MATN1: variants seen among roughly 807,000 people sequenced by gnomAD.
The protein encoded by MATN1 is matrilin-1.
In MATN1, 34 loss-of-function variants were observed where a neutral mutation model predicts 41.3. The observed-to-expected ratio is 0.82, with a 90% CI of 0.63 to 1.10. MATN1 has a LOEUF of 1.10. MATN1 is among the 50% of genes least tolerant of loss of function. MATN1 has a pLI of 0.00. For synonymous variants in MATN1, 264 were observed against 278.7 expected (o/e 0.95, Z 0.53); for missense variants, 602 against 662.4 (o/e 0.91, Z 1.00).
At position 30,716,076 on chromosome 1, in the gene MATN1, T is replaced by A. The variant is rs201929057; in HGVS notation, c.1040A>T (p.Tyr347Phe). The change falls in exon 5 of 8, where the codon TAC becomes TTC. Residue 347 changes from tyrosine to phenylalanine, a missense_variant. Tyr to Phe is a conservative substitution (Grantham distance 22). Transcript: ENST00000373765. ...CCCAGTCATTGTGCCCTTCTCCATG[T>A]AGGACATATTCCGCACAGCCGCCTT... ...DIKAAVRNMS[Y>F]MEKGTMTGAA... 2 of 1,614,202 alleles carry A rather than the reference T, an allele frequency of 1.2e-6. No individual in the cohort carries two copies. The highest frequency in any genetic ancestry group is 1.7e-6 in the Non-Finnish European group (2 of 1,180,032).
intron 3 of MATN1, among the ~76,000 whole-genome samples, chr1:30,717,648 T>G (rs1359718099): frequency 1.7e-5 from 2 of 118,654 alleles, no homozygotes; most frequent in African/African-American, 3.7e-5. Context: ...TGCGGTTTTT[T>G]TTTTTGTTTT....
In MATN1 at chr1:30,723,471, G is replaced by T. The variant is rs1166375082; in HGVS notation, c.81C>A (p.Ala27=). The T allele has an allele frequency of 1.3e-6, 2 of 1,523,252 alleles. No individual in the cohort carries two copies. 94.4% of individuals were successfully genotyped at this position (1,523,252 alleles called of 1,614,324 possible). Residue 27 remains alanine (A), a synonymous_variant, in exon 1 of 8, where the codon GCC becomes GCA. Coordinates refer to ENST00000373765, the MANE Select transcript of MATN1 (RefSeq NM_002379.3). The part of the protein sequence containing the change: ...LLQALCSPGL[A]PQSRGHLCRT... The stretch of plus-strand genomic sequence containing the variant: ...AAGCCCCCTCACCTCTGGACTGGGG[G>T]GCGAGGCCAGGGCTGCACAGGGCCT...
Position 30,713,613 on chromosome 1 carries a change from C to T in MATN1, c.1460G>A (p.Arg487Gln), listed in dbSNP as rs1038480675. 9.7e-6 allele frequency: 15 copies of T among 1,553,792 alleles called. No homozygotes were observed. The highest frequency in any genetic ancestry group is 2.4e-5 in the East Asian group (1 of 41,436). ...LTRKLEAVSK[R>Q]LAILENTVV ...AACTGTGTTCTCCAGGATGGCCAGC[C>T]GCTTACTCACAGCTTCCAGTGGACT... Residue 487 changes from arginine (R) to glutamine (Q), a missense_variant, in exon 8 of 8, where the codon CGG becomes CAG. Transcript: ENST00000373765.
chr1:30,713,497 C>G lies in MATN1; in HGVS notation c.*85G>C, dbSNP rs959386926. On this transcript the variant is annotated 3_prime_UTR_variant, in exon 8 of 8. Coordinates refer to ENST00000373765, the MANE Select transcript of MATN1 (RefSeq NM_002379.3). ...ACCCAGACACACCCCCTCCCACCCC[C>G]GGGCTGGCTTCCCTCACTAAAATGG... The G allele has an allele frequency of 2.1e-6, 3 of 1,404,670 alleles. No homozygotes were observed. The South Asian group carries it at 3.7e-5, about 17-fold the overall frequency. 87.0% of individuals were successfully genotyped at this position (1,404,670 alleles called of 1,614,324 possible). A position where few individuals can be genotyped will look rare whatever the true frequency, so the allele number is the denominator to read the frequency against.
At chr1:30,713,984 A>G in intron 7 of MATN1, 1 of 583,076 alleles carries the variant, frequency 1.7e-6, no homozygotes, top group Non-Finnish European at 3.1e-6. Context: ...CATGTTCTTC[A>G]GAGCATGTCC....
rs747153202 is a variant in MATN1, at chr1:30,714,342, G to C, written c.1361-15C>G. ...CGGGTCTTCCTCTGCAGGGGACAAG[G>C]AGGAGGGAAAGAGAAAGGAACTGTT... On this transcript the variant is annotated splice_polypyrimidine_tract_variant and intron_variant, in intron 6 of 7. Coordinates refer to ENST00000373765, the MANE Select transcript of MATN1 (RefSeq NM_002379.3). 8.1e-6 allele frequency: 13 copies of C among 1,602,540 alleles called. No homozygotes were observed. The South Asian group carries it at 1.3e-4, about 17-fold the overall frequency.
rs1044620530 is a variant in MATN1, at chr1:30,713,552, T to C, written c.*30A>G. On this transcript the variant is annotated 3_prime_UTR_variant, in exon 8 of 8. Transcript: ENST00000373765. ...GCTACGGCGGACACGTGCAGGACGC[T>C]TGGAGAGGCCACAGTGGTGACAGGC... The C allele has an allele frequency of 6.4e-7, 1 of 1,552,018 alleles. No individual in the cohort carries two copies. The highest frequency in any genetic ancestry group is 1.4e-5 in the African/African-American group (1 of 73,128).
At position 30,721,436 on chromosome 1, in the gene MATN1, C is replaced by A. The variant is rs372051087; in HGVS notation, c.410G>T (p.Gly137Val). The A allele has an allele frequency of 9.3e-6, 15 of 1,612,384 alleles. No homozygotes were observed. The African/African-American group carries it at 2.0e-4, about 21-fold the overall frequency. ...AITKAFGDAE[G>V]GRSRSPDISK... ...GATGTCAGGGGACCTGGAACGACCA[C>A]CCTCTGCATCGCCGAAGGCTTTGGT... Residue 137 changes from glycine to valine, a missense_variant, in exon 2 of 8, where the codon GGT (glycine) becomes GTT (valine). Coordinates refer to ENST00000373765, the MANE Select transcript of MATN1 (RefSeq NM_002379.3).
chr1:30,715,006 G>C, intron 6 of MATN1, 151 bp downstream of exon 6: 1 of 801,208 alleles, frequency 1.2e-6, no homozygotes, highest in Non-Finnish European at 2.0e-6. Context: ...GGTAGTAAGA[G>C]CTGTAAGCGC....
At chr1:30,714,215 C>T (rs1194108506) in intron 7 of MATN1, 32 bp downstream of exon 7, 2 of 1,527,614 alleles carry the variant, frequency 1.3e-6, no homozygotes, top group Non-Finnish European at 1.8e-6. Flanking sequence ...CTGCGCCCCT[C>T]CCCAGCCCCA....
chr1:30,713,196 A>G lies in MATN1; in HGVS notation c.*386T>C, dbSNP rs918934701. 4 of 220,302 alleles carry G rather than the reference A, an allele frequency of 1.8e-5. No homozygotes were observed. The highest frequency in any genetic ancestry group is 5.0e-5 in the Admixed American group (1 of 19,842). 13.6% of individuals were successfully genotyped at this position (220,302 alleles called of 1,614,324 possible). A position where few individuals can be genotyped will look rare whatever the true frequency, so the allele number is the denominator to read the frequency against. ...ATTTAATTGTTTCTCACCGGAGAAT[A>G]GAGAAATCAGTAAAGAAATTCACAG... is the stretch of plus-strand genomic sequence containing the variant. On this transcript the variant is annotated 3_prime_UTR_variant, in exon 8 of 8. Transcript: ENST00000373765.
intron 1 of MATN1, among the ~76,000 whole-genome samples, 200 bp from the exon 2 acceptor site, chr1:30,721,951 C>G (rs1639701129): frequency 6.6e-6 from 1 of 152,226 alleles, no homozygotes; most frequent in South Asian, 2.1e-4. Context: ...CTGCTCAGCC[C>G]ATGGGGAACA....
chr1:30,721,340 AAAGCTCAT>A (rs1639691468), intron 2 of MATN1, 57 bp downstream of exon 2: 1 of 1,455,356 alleles, frequency 6.9e-7, no homozygotes, highest in South Asian at 1.3e-5. Context: ...GTCTGCAGGC[AAAGCTCAT>A]AACTCCGAGC....
At chr1:30,714,427 C>A in intron 6 of MATN1, 100 bp from the exon 7 acceptor site, 1 of 968,196 alleles carries the variant, frequency 1.0e-6, no homozygotes, top group South Asian at 1.4e-5. Context: ...TCAGGATTCC[C>A]GGGGAGGTGA....
At chr1:30,722,780 G>T (rs1260653214) in intron 1 of MATN1, among the ~76,000 whole-genome samples, 1 of 152,174 alleles carries the variant, frequency 6.6e-6, no homozygotes. Flanking sequence ...CCTAGACTGG[G>T]GCTCTGGACA....
chr1:30,714,153 C>G (rs1557448923), intron 7 of MATN1, 94 bp downstream of exon 7: 1 of 1,035,428 alleles, frequency 9.7e-7, no homozygotes, highest in Non-Finnish European at 1.5e-6. Flanking sequence ...CCAAGAGAAG[C>G]CTGCCCAACT....
chr1:30,723,531 A>G lies in MATN1; in HGVS notation c.21T>C (p.Thr7=). The G allele has an allele frequency of 2.6e-6, 4 of 1,537,070 alleles. No homozygotes were observed. Among genetic ancestry groups the G allele is most frequent in the Admixed American group, 2.0e-5 (1 of 49,170 alleles). The change falls in exon 1 of 8, where the codon ACT becomes ACC. Residue 7 remains threonine (T), a synonymous_variant. Transcript: ENST00000373765. MRVLSG[T]SLMLCSLLLL... ...GCAGCAGGCTGCAGAGCATGAGGCT[A>G]GTGCCAGAGAGGACCCTCATAGTTC...
chr1:30,721,236 C>A, intron 2 of MATN1, 169 bp downstream of exon 2: 2 of 658,590 alleles, frequency 3.0e-6, no homozygotes, highest in Non-Finnish European at 2.6e-6. Context: ...CTGTCACTTG[C>A]AACTGGTGAC....
Position 30,718,768 on chromosome 1 carries a change from T to G in MATN1, c.631A>C (p.Lys211Gln), listed in dbSNP as rs1458391544. Residue 211 changes from lysine to glutamine, a missense_variant, in exon 3 of 8, where the codon AAG becomes CAG. Physicochemically the swap from Lys to Gln is moderately conservative, Grantham distance 53. Transcript: ENST00000373765. ...DYVESYSVIEKLSRKFQEAFC... is the reference protein window; with the variant it reads ...DYVESYSVIEQLSRKFQEAFC... ...GCCTCCTGGAACTTCCTGGACAGCT[T>G]CTCGATGACGCTGTAGCTCTCCACG... is the stretch of plus-strand genomic sequence containing the variant. The G allele has an allele frequency of 1.2e-6, 2 of 1,601,450 alleles. No individual in the cohort carries two copies. The highest frequency in any genetic ancestry group is 1.3e-5 in the African/African-American group (1 of 74,176).
Sources: gnomAD v4.1 joint callset for allele counts (sites outside exome capture counted in the v4.1 genomes callset) on GRCh38, gnomAD v4.1.1 for gene constraint, MANE v1.5 for transcripts, NCBI Gene and HGNC (gene_info 2026-07-23, HGNC 2026-07-21) for gene names.